Variants in SPMAP2 observed in about 807,000 individuals in gnomAD.
SPMAP2 encodes the protein sperm microtubule associated protein 2, also known as Theg homolog.
At chr19:364,070 A>G in the SPMAP2 span, among the ~76,000 whole-genome samples, 12 of 151,550 alleles carry the variant, frequency 7.9e-5, no homozygotes, top group African/African-American at 2.4e-4. Context: ...GCGGTGGCTC[A>G]TGCCTGTAAT....
chr19:374,215 A>C, the SPMAP2 span: 1 of 1,576,016 alleles, frequency 6.3e-7, no homozygotes. Flanking sequence ...GGAGCCGAGC[A>C]GTGGGGACAG....
chr19:362,026 T>C, the SPMAP2 span: 1 of 453,524 alleles, frequency 2.2e-6, no homozygotes, highest in African/African-American at 2.0e-5. Context: ...TGAAAGTGAC[T>C]CGGAAAATAA....
At chr19:371,707 T>C in the SPMAP2 span, among the ~76,000 whole-genome samples, 1 of 152,154 alleles carries the variant, frequency 6.6e-6, no homozygotes. Flanking sequence ...GCGTGAGCAC[T>C]TGGACCCAAG....
the SPMAP2 span, among the ~76,000 whole-genome samples, chr19:369,683 G>A: frequency 6.6e-6 from 1 of 152,230 alleles, no homozygotes; most frequent in Non-Finnish European, 1.5e-5. Flanking sequence ...GGCGGGCTGA[G>A]TCCGAAAAGA....
the SPMAP2 span, chr19:362,578 G>C: frequency 1.8e-6 from 1 of 547,472 alleles, no homozygotes; most frequent in Non-Finnish European, 3.2e-6. Context: ...GATCAGCCTG[G>C]CCAACATGAT....
the SPMAP2 span, among the ~76,000 whole-genome samples, chr19:366,798 C>A: frequency 3.3e-5 from 5 of 152,136 alleles, no homozygotes; most frequent in African/African-American, 1.2e-4. Context: ...TGGAGTCAGG[C>A]CAACACCCAT....
the SPMAP2 span, among the ~76,000 whole-genome samples, chr19:362,698 A>G: frequency 6.7e-6 from 1 of 149,666 alleles, no homozygotes; most frequent in African/African-American, 2.5e-5. Flanking sequence ...CTTGGGAGGC[A>G]GAAGTTGCAG....
At chr19:364,565 A>C in the SPMAP2 span, among the ~76,000 whole-genome samples, 211 of 150,694 alleles carry the variant, frequency 1.4e-3, 1 homozygote, top group African/African-American at 4.9e-3. Flanking sequence ...TCAGGGGGCC[A>C]CAGCCAAGAG....
the SPMAP2 span, among the ~76,000 whole-genome samples, chr19:375,335 G>A: frequency 3.9e-5 from 6 of 152,068 alleles, no homozygotes. Flanking sequence ...TCTGACTTGA[G>A]GCCATCACTC....
At chr19:371,190 G>C in the SPMAP2 span, 7 of 1,409,476 alleles carry the variant, frequency 5.0e-6, no homozygotes, top group East Asian at 1.6e-4. Context: ...GTCGCGGGGG[G>C]CACGGGGCAC....
chr19:373,434 G>T, the SPMAP2 span: 4 of 1,609,516 alleles, frequency 2.5e-6, no homozygotes, highest in Non-Finnish European at 3.4e-6. Flanking sequence ...CCGGCAGCCG[G>T]GGGCAGGGGT....
the SPMAP2 span, among the ~76,000 whole-genome samples, chr19:363,222 T>C: frequency 6.6e-6 from 1 of 152,234 alleles, no homozygotes; most frequent in Non-Finnish European, 1.5e-5. Flanking sequence ...ATACAGAGCC[T>C]TGCTCTGTCG....
chr19:361,921 TG>T, the SPMAP2 span: 1 of 247,608 alleles, frequency 4.0e-6, no homozygotes, highest in Non-Finnish European at 7.7e-6. Flanking sequence ...GGTTTGACTG[TG>T]GCTGTCGTTC....
the SPMAP2 span, chr19:375,512 T>C: frequency 2.3e-6 from 2 of 857,874 alleles, no homozygotes; most frequent in Admixed American, 5.7e-5. Flanking sequence ...CTAGGCTGAC[T>C]CGGCAGGGCC....
the SPMAP2 span, chr19:362,445 A>G: frequency 6.3e-7 from 1 of 1,578,378 alleles, no homozygotes; most frequent in Admixed American, 1.7e-5. Flanking sequence ...GGCAGAAGAG[A>G]AGGACAGCAC....
the SPMAP2 span, among the ~76,000 whole-genome samples, chr19:364,323 CG>C: frequency 5.8e-4 from 65 of 112,672 alleles, no homozygotes; most frequent in Non-Finnish European, 4.0e-4. Flanking sequence ...GGTGACAGAG[CG>C]AAGCTCTGTC....
At chr19:371,267 G>A in the SPMAP2 span, 26 of 1,521,378 alleles carry the variant, frequency 1.7e-5, 1 homozygote, top group South Asian at 6.4e-5. Flanking sequence ...TCCTTCAGGC[G>A]ACTCGACGCT....
At chr19:374,509 G>A in the SPMAP2 span, 480 of 1,560,002 alleles carry the variant, frequency 3.1e-4, 2 homozygotes, top group Middle Eastern at 4.0e-4. Flanking sequence ...TTGCTCAAGC[G>A]CCTTTTGTCT....
the SPMAP2 span, chr19:362,222 T>C: frequency 1.3e-6 from 2 of 1,556,036 alleles, no homozygotes; most frequent in Non-Finnish European, 1.7e-6. Context: ...CCTGGGTTGA[T>C]CACACTTTTC....
Sources: allele counts gnomAD v4.1 joint callset (sites outside exome capture counted in the v4.1 genomes callset), GRCh38; gene constraint gnomAD v4.1.1; transcripts MANE v1.5; gene names NCBI Gene and HGNC (gene_info 2026-07-23, HGNC 2026-07-21).